GALNT13: variants seen among roughly 807,000 people sequenced by gnomAD.
The protein encoded by GALNT13 is UDP-GalNAc:polypeptide N-acetylgalactosaminyltransferase 13.
GALNT13 carries 28 observed loss-of-function variants against 64.2 expected under a neutral mutation model. The observed-to-expected ratio is 0.44, with a 90% CI of 0.32 to 0.60. The LOEUF is 0.60. Among genes scored for constraint, GALNT13 ranks in the 20% least tolerant of loss-of-function variants. GALNT13 has a pLI of 0.05. For missense variants in GALNT13, 577 were observed against 669.8 expected (o/e 0.86, Z 1.53); for synonymous variants, 214 against 224.6 (o/e 0.95, Z 0.42).
the GALNT13 span, among the ~76,000 whole-genome samples, chr2:153,375,229 CTT>C: frequency 6.6e-6 from 1 of 152,082 alleles, no homozygotes; most frequent in Non-Finnish European, 1.5e-5. Flanking sequence ...TGAAGTATAA[CTT>C]ATATTTTTCC....
the GALNT13 span, among the ~76,000 whole-genome samples, chr2:153,837,794 T>C: frequency 6.6e-6 from 1 of 152,010 alleles, no homozygotes; most frequent in Non-Finnish European, 1.5e-5. Context: ...CAGAAATAGG[T>C]TTGCTGGATC....
At chr2:153,162,603 T>C in the GALNT13 span, among the ~76,000 whole-genome samples, 2 of 152,164 alleles carry the variant, frequency 1.3e-5, no homozygotes, top group Non-Finnish European at 2.9e-5. Flanking sequence ...AGAAAATAGC[T>C]GAACACTTGG....
At chr2:154,211,271 G>A (rs1005027243) in intron 4 of GALNT13, among the ~76,000 whole-genome samples, 11 of 152,038 alleles carry the variant, frequency 7.2e-5, no homozygotes, top group Admixed American at 4.6e-4. Context: ...TTACTGTACT[G>A]ACTACGGTAG....
At chr2:153,773,006 G>T in the GALNT13 span, among the ~76,000 whole-genome samples, 2 of 152,246 alleles carry the variant, frequency 1.3e-5, no homozygotes, top group African/African-American at 4.8e-5. Flanking sequence ...CACTACAGTT[G>T]CCTTTGACTG....
At chr2:153,597,409 T>C in the GALNT13 span, among the ~76,000 whole-genome samples, 1 of 152,066 alleles carries the variant, frequency 6.6e-6, no homozygotes, top group African/African-American at 2.4e-5. Flanking sequence ...CAACAAATGG[T>C]ACTGGACAAC....
the GALNT13 span, among the ~76,000 whole-genome samples, chr2:153,489,720 G>A: frequency 1.1e-4 from 16 of 152,102 alleles, no homozygotes; most frequent in Non-Finnish European, 2.2e-4. Flanking sequence ...GGCATAATAG[G>A]TAAGATCAGG....
the GALNT13 span, among the ~76,000 whole-genome samples, chr2:153,621,215 T>C: frequency 6.6e-6 from 1 of 152,170 alleles, no homozygotes; most frequent in African/African-American, 2.4e-5. Flanking sequence ...TTACTCATAG[T>C]TATCACCGTG....
At chr2:153,479,863 ACT>A in the GALNT13 span, among the ~76,000 whole-genome samples, 1 of 152,010 alleles carries the variant, frequency 6.6e-6, no homozygotes, top group East Asian at 1.9e-4. Flanking sequence ...AAGTTTCTTA[ACT>A]CTGAAAGAAT....
intron 12 of GALNT13, among the ~76,000 whole-genome samples, chr2:154,448,922 A>T (rs1701732394): frequency 6.6e-6 from 1 of 152,024 alleles, no homozygotes; most frequent in Non-Finnish European, 1.5e-5. Flanking sequence ...ATATTTTTGA[A>T]AGAGAATATA....
At chr2:153,542,746 TAGG>T in the GALNT13 span, among the ~76,000 whole-genome samples, 2 of 152,184 alleles carry the variant, frequency 1.3e-5, no homozygotes, top group African/African-American at 4.8e-5. Context: ...TAGCTAGGCC[TAGG>T]AGAAGTTTCA....
chr2:153,397,745 T>C, the GALNT13 span, among the ~76,000 whole-genome samples: 5 of 151,980 alleles, frequency 3.3e-5, no homozygotes, highest in African/African-American at 4.8e-5. Flanking sequence ...CTGGTTGGTA[T>C]CCAGTGTCTA....
chr2:154,290,330 A>G (rs964770900), intron 8 of GALNT13, among the ~76,000 whole-genome samples: 4 of 152,226 alleles, frequency 2.6e-5, no homozygotes, highest in Non-Finnish European at 5.9e-5. Flanking sequence ...GAGAGATTGC[A>G]GAAATTTATC....
chr2:154,122,597 C>A (rs547996459), intron 3 of GALNT13, among the ~76,000 whole-genome samples: 1 of 152,104 alleles, frequency 6.6e-6, no homozygotes, highest in South Asian at 2.1e-4. Flanking sequence ...TCAACTTCTA[C>A]AACAGGTATA....
At chr2:153,302,456 TGGA>T in the GALNT13 span, among the ~76,000 whole-genome samples, 1 of 152,174 alleles carries the variant, frequency 6.6e-6, no homozygotes, top group Non-Finnish European at 1.5e-5. Context: ...TTATATATTT[TGGA>T]TATTAACCCC....
intron 3 of GALNT13, among the ~76,000 whole-genome samples, chr2:153,982,835 G>C (rs1050114474): frequency 4.0e-5 from 6 of 150,730 alleles, no homozygotes; most frequent in African/African-American, 1.5e-4. Context: ...TATTTAATCT[G>C]TCTGGGGAAA....
chr2:153,087,187 A>G, the GALNT13 span, among the ~76,000 whole-genome samples: 16 of 152,142 alleles, frequency 1.1e-4, no homozygotes, highest in South Asian at 2.1e-4. Context: ...TTTTAATCAT[A>G]AAGTCGTGCT....
At chr2:154,373,153 A>C (rs946605587) in intron 9 of GALNT13, among the ~76,000 whole-genome samples, 3 of 152,162 alleles carry the variant, frequency 2.0e-5, no homozygotes, top group Non-Finnish European at 2.9e-5. Context: ...CTCAGTTTTC[A>C]TACATTTTAT....
chr2:154,098,999 C>A (rs1002484162), intron 3 of GALNT13, among the ~76,000 whole-genome samples: 1 of 151,930 alleles, frequency 6.6e-6, no homozygotes, highest in Admixed American at 6.6e-5. Flanking sequence ...ATCTCCATGC[C>A]GTTTCCCATA....
chr2:154,161,288 A>G (rs1684710369), intron 4 of GALNT13, among the ~76,000 whole-genome samples: 1 of 152,210 alleles, frequency 6.6e-6, no homozygotes, highest in South Asian at 2.1e-4. Context: ...TTATTAATGA[A>G]TATTCTGCTA....
Sources: gnomAD v4.1 joint callset for allele counts (sites outside exome capture counted in the v4.1 genomes callset) on GRCh38, gnomAD v4.1.1 for gene constraint, MANE v1.5 for transcripts, NCBI Gene and HGNC (gene_info 2026-07-23, HGNC 2026-07-21) for gene names.